The following TG variants were observed in gnomAD, a reference collection of about 807,000 sequenced individuals.
TG encodes thyroid hormones.
Under a neutral mutation model 324.7 loss-of-function variants are expected in TG, and 270 were observed. The ratio of observed to expected loss-of-function variants is 0.83; its 90% CI spans 0.75 to 0.92. The LOEUF (loss-of-function observed/expected upper bound fraction) is 0.92. Ranked by LOEUF, TG falls within the 40% of genes least tolerant of loss-of-function variation. TG has a pLI of 0.00. For missense variants in TG, 3,591 were observed against 3,456.4 expected (o/e 1.04, Z -0.98); for synonymous variants, 1,401 against 1,327.0 (o/e 1.06, Z -1.21).
chr8:133,106,026 G>C (rs553122966), intron 43 of TG, among the ~76,000 whole-genome samples: 1 of 152,136 alleles, frequency 6.6e-6, no homozygotes, highest in Non-Finnish European at 1.5e-5. Flanking sequence ...GGATGAAGCA[G>C]ATGGAGGAGA....
chr8:133,068,333 G>A (rs1010494971), intron 41 of TG, among the ~76,000 whole-genome samples: 3 of 152,218 alleles, frequency 2.0e-5, no homozygotes, highest in Non-Finnish European at 2.9e-5. Context: ...GTGCCCAGGA[G>A]GGGATCTCAT....
In TG at chr8:133,013,598, A is replaced by G. The variant is rs1376428755; in HGVS notation, c.6398-2A>G. On this transcript the variant is annotated splice_acceptor_variant, in intron 36 of 47. Coordinates refer to ENST00000220616, the MANE Select transcript of TG (RefSeq NM_003235.5). LOFTEE classifies it high-confidence loss of function. ...CATCACTCTTCTCCCTCTTTTCTGC[A>G]GAATGTTCCCAACATGAGGCCTGTC... 1.2e-6 allele frequency: 2 copies of G among 1,614,202 alleles called. No homozygotes were observed. The highest frequency in any genetic ancestry group is 1.1e-5 in the South Asian group (1 of 91,084).
chr8:133,046,537 C>T (rs958766853), intron 41 of TG: 2 of 152,234 alleles, frequency 1.3e-5, no homozygotes, highest in Non-Finnish European at 2.9e-5. Context: ...ACTGTCAGAG[C>T]TTTGCATACC....
intron 35 of TG, among the ~76,000 whole-genome samples, chr8:133,010,320 G>A (rs184879676): frequency 8.2e-4 from 125 of 152,312 alleles, no homozygotes; most frequent in Non-Finnish European, 1.6e-3. Flanking sequence ...TGATGATGAA[G>A]TGAATATGGT....
Position 132,919,392 on chromosome 8 carries a change from A to G in TG, c.4395A>G (p.Gly1465=). The G allele has an allele frequency of 1.2e-6, 2 of 1,614,094 alleles. No homozygotes were observed. The highest frequency in any genetic ancestry group is 1.7e-6 in the Non-Finnish European group (2 of 1,180,002). The part of the protein sequence containing the change: ...DGLGCVKCPE[G]SYSQDEECIP... ...TTTTTCTAGTTAAGTGTCCTGAAGG[A>G]AGCTATTCCCAAGATGAGGAATGCA... Residue 1465 remains glycine (G), a synonymous_variant, in exon 21 of 48, where the codon GGA becomes GGG. Transcript: ENST00000220616.
At chr8:132,982,018 G>A (rs1034631947) in intron 34 of TG, among the ~76,000 whole-genome samples, 5 of 152,122 alleles carry the variant, frequency 3.3e-5, no homozygotes, top group African/African-American at 7.2e-5. Flanking sequence ...AGACACACAG[G>A]GACAAGAGAC....
At position 132,925,382 on chromosome 8, in the gene TG, C is replaced by G. The variant is rs1008087367; in HGVS notation, c.4699+1874C>G. 3.3e-5 allele frequency among the ~76,000 whole-genome samples: 5 copies of G among 152,296 alleles called. No individual in the cohort carries two copies. In the South Asian group the frequency reaches 1.0e-3, roughly 32 times the overall value. The stretch of plus-strand genomic sequence containing the variant: ...ACACACATATGCATGCATAGCCTAC[C>G]TGTCCTCCAGGGAAGCTGGTACAGC... On this transcript the variant is annotated intron_variant, in intron 22 of 47. Transcript: ENST00000220616.
chr8:132,972,433 G>C (rs1829653245), intron 33 of TG, 165 bp from the exon 34 acceptor site: 2 of 761,226 alleles, frequency 2.6e-6, no homozygotes, highest in Non-Finnish European at 4.2e-6. Context: ...CTTGAGTTCA[G>C]GTACCAGGTT....
intron 46 of TG, 100 bp downstream of exon 46, chr8:133,132,046 C>A: frequency 6.5e-7 from 1 of 1,548,876 alleles, no homozygotes; most frequent in South Asian, 1.1e-5. Flanking sequence ...TAGACTCATC[C>A]TTTCCTCCGT....
At chr8:133,134,554 C>G in intron 47 of TG, 122 bp from the exon 48 acceptor site, 1 of 920,500 alleles carries the variant, frequency 1.1e-6, no homozygotes, top group Non-Finnish European at 1.8e-6. Context: ...AAAATTCCCT[C>G]TAAAGGGCAT....
intron 8 of TG, among the ~76,000 whole-genome samples, chr8:132,885,665 A>C (rs1815309139): frequency 6.6e-6 from 1 of 152,106 alleles, no homozygotes. Flanking sequence ...TACGCATAGG[A>C]ATGTGTTGGT....
rs114944116 is a variant in TG, at chr8:132,906,802, G to T, written c.3749G>T (p.Arg1250Leu). The T allele has an allele frequency of 4.0e-3, 6,431 of 1,614,166 alleles. 19 individuals carry two copies. The highest frequency in any genetic ancestry group is 5.0e-3 in the Non-Finnish European group (5,902 of 1,180,040). ...SAMQQCQLLC[R>L]QGSWSVFPPG... is the part of the protein sequence containing the mutation. ...ATGCAGCAGTGCCAATTGCTGTGCC[G>T]CCAGGGCTCCTGGAGCGTGTTTCCA... The change falls in exon 17 of 48, where the codon CGC (arginine) becomes CTC (leucine). Residue 1250 changes from arginine (R) to leucine (L), a missense_variant. Physicochemically the swap from Arg to Leu is moderately radical, Grantham distance 102. Coordinates refer to ENST00000220616, the MANE Select transcript of TG (RefSeq NM_003235.5).
At chr8:133,084,178 G>A (rs894410160) in intron 41 of TG, among the ~76,000 whole-genome samples, 6 of 152,112 alleles carry the variant, frequency 3.9e-5, no homozygotes, top group Admixed American at 6.5e-5. Flanking sequence ...AAGGAGGGAC[G>A]AAATGGAGAG....
chr8:132,993,722 T>C (rs1832606946), intron 35 of TG, among the ~76,000 whole-genome samples: 1 of 152,184 alleles, frequency 6.6e-6, no homozygotes, highest in Non-Finnish European at 1.5e-5. Context: ...TCTTAGAAGA[T>C]GGGGAAAATA....
rs1827987957 is a variant in TG at position 132,963,007 on chromosome 8, G to T, written c.5481G>T (p.Gly1827=). The change falls in exon 29 of 48, where the codon GGG becomes GGT. Residue 1827 remains glycine, a synonymous_variant. Coordinates refer to ENST00000220616, the MANE Select transcript of TG (RefSeq NM_003235.5). ...TTTTCCTCCTAGATTCTGACATGGG[G>T]TCTCGGCCTGAGTCTATGGGATGTA... ...QVYLWKDSDM[G]SRPESMGCRK... is the part of the protein sequence containing the mutation. The T allele has an allele frequency of 1.9e-6, 3 of 1,613,902 alleles. No homozygotes were observed. The highest frequency in any genetic ancestry group is 2.5e-6 in the Non-Finnish European group (3 of 1,179,882).
Position 132,900,336 on chromosome 8 carries a change from C to G in TG, c.3430C>G (p.Gln1144Glu). ...ELRPGSSSSA[Q>E]CPSLCNVLKS... Reference sequence around the variant, plus strand: ...GCGGCCTGGCTCGAGCAGCAGTGCCCAGTGTGAGTAGCAGCCCCTCCTGGC... The same window carrying G: ...GCGGCCTGGCTCGAGCAGCAGTGCCGAGTGTGAGTAGCAGCCCCTCCTGGC... Residue 1144 changes from glutamine to glutamate, a missense_variant, in exon 15 of 48, where the codon CAG becomes GAG. Physicochemically the swap from Gln to Glu is conservative, Grantham distance 29 (BLOSUM62 2). Transcript: ENST00000220616. 1.2e-6 allele frequency: 2 copies of G among 1,611,456 alleles called. No homozygotes were observed. Among genetic ancestry groups the G allele is most frequent in the Non-Finnish European group, 1.7e-6 (2 of 1,179,144 alleles).
chr8:132,937,704 A>C (rs927466359), intron 25 of TG, among the ~76,000 whole-genome samples: 5 of 152,212 alleles, frequency 3.3e-5, no homozygotes, highest in Admixed American at 2.0e-4. Flanking sequence ...CTTTAAAATC[A>C]TGACTTACCC....
At chr8:133,018,547 G>A (rs1202411779) in intron 38 of TG, among the ~76,000 whole-genome samples, 1 of 150,136 alleles carries the variant, frequency 6.7e-6, no homozygotes, top group African/African-American at 2.5e-5. Flanking sequence ...TTTTTTTAGG[G>A]CACCCATATC....
intron 35 of TG, 43 bp from the exon 36 acceptor site, chr8:133,011,858 C>T: frequency 6.2e-7 from 1 of 1,613,860 alleles, no homozygotes; most frequent in South Asian, 1.1e-5. Context: ...TGTTACTCAC[C>T]AGGTGACAAC....
Sources: allele counts gnomAD v4.1 joint callset (sites outside exome capture counted in the v4.1 genomes callset), GRCh38; gene constraint gnomAD v4.1.1; transcripts MANE v1.5; gene names NCBI Gene and HGNC (gene_info 2026-07-23, HGNC 2026-07-21).